Variants in CDH4 observed in about 807,000 individuals in gnomAD.
The protein encoded by CDH4 is cadherin-4.
CDH4 carries 33 observed loss-of-function variants against 86.0 expected under a neutral mutation model. The ratio of observed to expected loss-of-function variants is 0.38; its 90% CI spans 0.29 to 0.51. CDH4 has a LOEUF of 0.51. Ranked by LOEUF, CDH4 falls within the 20% of genes least tolerant of loss-of-function variation. CDH4 has a pLI of 0.86. For synonymous variants in CDH4, 555 were observed against 549.4 expected (o/e 1.01, Z -0.14); for missense variants, 1,114 against 1,307.4 (o/e 0.85, Z 2.28).
intron 2 of CDH4, among the ~76,000 whole-genome samples, chr20:61,447,498 G>C (rs910371606): frequency 6.6e-6 from 1 of 151,902 alleles, no homozygotes; most frequent in African/African-American, 2.4e-5. Flanking sequence ...TCGATATAAA[G>C]GCTTTCCTGG....
intron 2 of CDH4, among the ~76,000 whole-genome samples, chr20:61,482,857 G>A (rs1188849968): frequency 6.6e-6 from 1 of 152,222 alleles, no homozygotes; most frequent in Non-Finnish European, 1.5e-5. Flanking sequence ...CAGGTTAACT[G>A]AGTGAATCCG....
intron 2 of CDH4, among the ~76,000 whole-genome samples, chr20:61,321,263 T>C (rs560928844): frequency 6.6e-6 from 1 of 152,136 alleles, no homozygotes; most frequent in East Asian, 1.9e-4. Context: ...ATGAATAGAG[T>C]CTTCTCATTG....
chr20:61,677,720 AAGATAGGC>A (rs1034600966), intron 2 of CDH4, among the ~76,000 whole-genome samples: 6 of 152,022 alleles, frequency 3.9e-5, no homozygotes, highest in Non-Finnish European at 5.9e-5. Context: ...TGGATGATAG[AAGATAGGC>A]AGGTAGGCAG....
At chr20:61,400,255 G>A (rs937990551) in intron 2 of CDH4, among the ~76,000 whole-genome samples, 2 of 152,188 alleles carry the variant, frequency 1.3e-5, no homozygotes, top group East Asian at 1.9e-4. Flanking sequence ...GTCAAAAGAT[G>A]ATGCTCTACA....
At chr20:61,835,234 A>G (rs1270841709) in intron 4 of CDH4, among the ~76,000 whole-genome samples, 2 of 149,468 alleles carry the variant, frequency 1.3e-5, no homozygotes, top group Non-Finnish European at 3.0e-5. Context: ...GTTGTTTTTT[A>G]TTTGTTTTTT....
At chr20:61,356,086 A>G (rs181731781) in intron 2 of CDH4, among the ~76,000 whole-genome samples, 2 of 152,276 alleles carry the variant, frequency 1.3e-5, no homozygotes, top group East Asian at 3.9e-4. Flanking sequence ...CATCCCGTGG[A>G]GGTAGGATGA....
intron 2 of CDH4, among the ~76,000 whole-genome samples, chr20:61,440,533 T>C (rs138506742): frequency 2.8e-4 from 43 of 152,238 alleles, no homozygotes; most frequent in African/African-American, 1.0e-3. Flanking sequence ...TTTTGCAAAA[T>C]TTTAGTTTTG....
At chr20:61,900,429 C>T (rs377168428) in intron 8 of CDH4, among the ~76,000 whole-genome samples, 133 of 152,268 alleles carry the variant, frequency 8.7e-4, no homozygotes, top group Middle Eastern at 3.4e-3. Flanking sequence ...GGAGCTCCCA[C>T]CCACCCGACA....
intron 2 of CDH4, among the ~76,000 whole-genome samples, chr20:61,281,467 C>T (rs1037711897): frequency 3.3e-5 from 5 of 152,236 alleles, no homozygotes; most frequent in African/African-American, 1.2e-4. Flanking sequence ...TGACCTTGGA[C>T]TGCTAGCCTC....
At chr20:61,896,014 G>T (rs1402391715) in intron 8 of CDH4, among the ~76,000 whole-genome samples, 2 of 152,202 alleles carry the variant, frequency 1.3e-5, no homozygotes, top group Non-Finnish European at 2.9e-5. Context: ...GGATCTCAGG[G>T]TCTTCTCTGC....
chr20:61,733,161 G>A (rs535033458), intron 2 of CDH4, among the ~76,000 whole-genome samples: 6 of 152,158 alleles, frequency 3.9e-5, no homozygotes, highest in South Asian at 4.2e-4. Flanking sequence ...TGGGACGCTA[G>A]GTGCTCAGTT....
rs1192082978 is a variant in CDH4, at chr20:61,252,689, C to T, written c.57+119C>T. ...CTCTCCCGGGCTCCCCCGCCGCGCT[C>T]CCCGCTGCATCCAGCCCGGCGCCCG... On this transcript the variant is annotated intron_variant, in intron 1 of 15. Coordinates refer to ENST00000614565, the MANE Select transcript of CDH4 (RefSeq NM_001794.5). The surrounding 1 kb of genome is among the most constrained non-coding windows in gnomAD (Gnocchi z 4.4). 6 of 489,206 alleles carry T rather than the reference C, an allele frequency of 1.2e-5. No homozygotes were observed. The highest frequency in any genetic ancestry group is 1.8e-5 in the Non-Finnish European group (6 of 341,466). 30.3% of individuals were successfully genotyped at this position (489,206 alleles called of 1,614,324 possible).
At chr20:61,924,714 C>A (rs908721783) in intron 11 of CDH4, among the ~76,000 whole-genome samples, 1 of 152,124 alleles carries the variant, frequency 6.6e-6, no homozygotes, top group East Asian at 1.9e-4. Context: ...ATTCTGCCCC[C>A]TCCCCAGCAT....
At chr20:61,474,152 C>CTTTT (rs10551077) in intron 2 of CDH4, among the ~76,000 whole-genome samples, 1 of 40,020 alleles carries the variant, frequency 2.5e-5, no homozygotes, top group Non-Finnish European at 4.1e-5. Context: ...TGGAATAGGA[C>CTTTT]TTTTTTTTTT....
At chr20:61,419,611 G>A (rs542546557) in intron 2 of CDH4, among the ~76,000 whole-genome samples, 32 of 151,940 alleles carry the variant, frequency 2.1e-4, no homozygotes, top group African/African-American at 7.7e-4. Context: ...TGCCTCCCCA[G>A]CTCCCTCCCC....
intron 8 of CDH4, among the ~76,000 whole-genome samples, chr20:61,901,933 G>A (rs1465129357): frequency 6.6e-6 from 1 of 152,212 alleles, no homozygotes; most frequent in Non-Finnish European, 1.5e-5. Flanking sequence ...GTTCGCAGTC[G>A]GCCGTGGCTC....
chr20:61,327,033 C>G (rs2084540561), intron 2 of CDH4, among the ~76,000 whole-genome samples: 1 of 152,202 alleles, frequency 6.6e-6, no homozygotes, highest in Non-Finnish European at 1.5e-5. Context: ...TTACCCCTTA[C>G]TCTTCATCCT....
At chr20:61,387,477 T>TAC (rs1399191711) in intron 2 of CDH4, among the ~76,000 whole-genome samples, 2 of 149,896 alleles carry the variant, frequency 1.3e-5, no homozygotes, top group Admixed American at 1.3e-4. Flanking sequence ...TACATACATA[T>TAC]ACACACACAG....
intron 2 of CDH4, among the ~76,000 whole-genome samples, chr20:61,358,262 C>T (rs1373312157): frequency 1.3e-5 from 2 of 152,184 alleles, no homozygotes; most frequent in Non-Finnish European, 2.9e-5. Flanking sequence ...AGCCGACCCA[C>T]TGTGTGCTGA....
Sources: gnomAD v4.1 joint callset for allele counts (sites outside exome capture counted in the v4.1 genomes callset) on GRCh38, gnomAD v4.1.1 for gene constraint, Gnocchi (gnomAD v3.1) non-coding constraint, MANE v1.5 for transcripts, NCBI Gene and HGNC (gene_info 2026-07-23, HGNC 2026-07-21) for gene names.